MYT1L: variants seen among roughly 807,000 people sequenced by gnomAD.
MYT1L encodes the protein myelin transcription factor 1-like protein.
A neutral mutation model predicts 126.7 loss-of-function variants in MYT1L; 12 were observed. That is an observed-to-expected ratio of 0.09 (90% CI 0.06 to 0.15). The LOEUF (loss-of-function observed/expected upper bound fraction) is 0.15. Ranked by LOEUF, MYT1L falls within the 10% of genes least tolerant of loss-of-function variation. MYT1L has a pLI of 1.00. For synonymous variants in MYT1L, 541 were observed against 604.2 expected (o/e 0.90, Z 1.53); for missense variants, 979 against 1,585.2 (o/e 0.62, Z 6.49).
intron 3 of MYT1L, among the ~76,000 whole-genome samples, chr2:2,131,953 G>C (rs1311159373): frequency 7.2e-6 from 1 of 138,112 alleles, no homozygotes; most frequent in East Asian, 2.2e-4. Context: ...TCTGTTGCCA[G>C]GCTGAAGTGC....
At chr2:1,960,096 T>C (rs2058836038) in intron 8 of MYT1L, among the ~76,000 whole-genome samples, 1 of 152,220 alleles carries the variant, frequency 6.6e-6, no homozygotes, top group South Asian at 2.1e-4. Flanking sequence ...TCAGAGGATT[T>C]ATCTGTCTTC....
chr2:2,226,475 G>C (rs771560237), intron 2 of MYT1L, among the ~76,000 whole-genome samples: 1 of 151,762 alleles, frequency 6.6e-6, no homozygotes, highest in African/African-American at 2.4e-5. Flanking sequence ...CCTGGATCCC[G>C]TCCACCCTGG....
At chr2:1,869,253 GCA>G (rs2045975824) in intron 18 of MYT1L, among the ~76,000 whole-genome samples, 1 of 152,240 alleles carries the variant, frequency 6.6e-6, no homozygotes, top group Non-Finnish European at 1.5e-5. Flanking sequence ...CAGAGACAAA[GCA>G]CACAGTCCTG....
rs1257954892 is a variant in MYT1L at position 1,890,470 on chromosome 2, ATC to A, written c.2284-995_2284-994del. ...CCTTTACTACAGTGATTACCGTCTG[ATC>A]TCTAGATTTCAGCAAACCTGCAATT... On this transcript the variant is annotated intron_variant, in intron 15 of 24. Coordinates refer to ENST00000647738, the MANE Select transcript of MYT1L (RefSeq NM_001303052.2). Among the ~76,000 whole-genome samples the A allele has an allele frequency of 2.0e-5, 3 of 152,064 alleles. No individual in the cohort carries two copies. In the East Asian group the frequency reaches 5.8e-4, roughly 29 times the overall value.
chr2:2,036,727 C>T (rs77044992), intron 4 of MYT1L, among the ~76,000 whole-genome samples: 3,940 of 152,326 alleles, frequency 0.026, 162 homozygotes, highest in African/African-American at 0.086. Flanking sequence ...ACTAATGCAG[C>T]TGCTTTCTAA....
At chr2:2,165,743 T>C (rs1412788061) in intron 3 of MYT1L, among the ~76,000 whole-genome samples, 2 of 152,092 alleles carry the variant, frequency 1.3e-5, no homozygotes, top group African/African-American at 4.8e-5. Context: ...AAATACTTTT[T>C]AGAAATAATT....
At chr2:2,097,622 C>T (rs184775280) in intron 3 of MYT1L, among the ~76,000 whole-genome samples, 43 of 152,208 alleles carry the variant, frequency 2.8e-4, no homozygotes, top group Non-Finnish European at 5.3e-4. Flanking sequence ...GATGGAGATG[C>T]GTGGTGAAAA....
chr2:2,248,904 C>A (rs2094583878), intron 2 of MYT1L, among the ~76,000 whole-genome samples: 1 of 152,088 alleles, frequency 6.6e-6, no homozygotes, highest in African/African-American at 2.4e-5. Flanking sequence ...GACAGACTCA[C>A]AGCTAGTATC....
At chr2:1,975,290 A>G (rs1252721569) in intron 8 of MYT1L, among the ~76,000 whole-genome samples, 1 of 152,370 alleles carries the variant, frequency 6.6e-6, no homozygotes, top group East Asian at 1.9e-4. Flanking sequence ...TGAGACCCAC[A>G]GCAGATCCCG....
chr2:2,265,590 C>T (rs1033965999), intron 2 of MYT1L, among the ~76,000 whole-genome samples: 4 of 152,188 alleles, frequency 2.6e-5, no homozygotes, highest in Non-Finnish European at 5.9e-5. Flanking sequence ...GGGATGATGT[C>T]GGATGGTGCA....
chr2:1,798,020 C>T (rs1350695169), intron 23 of MYT1L, among the ~76,000 whole-genome samples: 4 of 58,792 alleles, frequency 6.8e-5, no homozygotes, highest in Non-Finnish European at 9.8e-5. Flanking sequence ...GGTCTCCCCC[C>T]ATCCGGCACA....
At chr2:2,182,216 C>T (rs1045375116) in intron 2 of MYT1L, among the ~76,000 whole-genome samples, 1 of 152,156 alleles carries the variant, frequency 6.6e-6, no homozygotes. Flanking sequence ...GGAGAGGTGA[C>T]CTCCTCTCTG....
rs371305156 is a variant in MYT1L at position 2,067,459 on chromosome 2, A to G, written c.-303-13336T>C. Among the ~76,000 whole-genome samples, 10 of 152,312 alleles carry G rather than the reference A, an allele frequency of 6.6e-5. No homozygotes were observed. The South Asian group carries it at 1.5e-3, about 22-fold the overall frequency. On this transcript the variant is annotated intron_variant, in intron 3 of 24. Coordinates refer to ENST00000647738, the MANE Select transcript of MYT1L (RefSeq NM_001303052.2). ...GTTAAATATCAAAAACTAAGCCTTAAGTCTAGGCACAGTGGCTCACGCCTG... is the reference window on the plus strand; with the variant it reads ...GTTAAATATCAAAAACTAAGCCTTAGGTCTAGGCACAGTGGCTCACGCCTG...
chr2:2,152,493 G>C (rs2085969860), intron 3 of MYT1L, among the ~76,000 whole-genome samples: 1 of 152,224 alleles, frequency 6.6e-6, no homozygotes, highest in South Asian at 2.1e-4. Context: ...CCCAAACTCA[G>C]TCTGAGGGAG....
At chr2:1,963,870 T>A (rs2059142395) in intron 8 of MYT1L, among the ~76,000 whole-genome samples, 1 of 152,216 alleles carries the variant, frequency 6.6e-6, no homozygotes, top group African/African-American at 2.4e-5. Flanking sequence ...TACTCAGCAA[T>A]AGGCTCTCTC....
chr2:2,252,490 G>A (rs931499610), intron 2 of MYT1L, among the ~76,000 whole-genome samples: 1 of 152,200 alleles, frequency 6.6e-6, no homozygotes, highest in Non-Finnish European at 1.5e-5. Flanking sequence ...GAGGGACTCA[G>A]GGATGGCTCC....
At chr2:2,300,137 C>T (rs1472726711) in intron 1 of MYT1L, among the ~76,000 whole-genome samples, 1 of 152,156 alleles carries the variant, frequency 6.6e-6, no homozygotes, top group Non-Finnish European at 1.5e-5. Flanking sequence ...CTTCTTTGTG[C>T]CTAATGATGA....
chr2:2,095,965 T>A (rs1445772987), intron 3 of MYT1L, among the ~76,000 whole-genome samples: 1 of 152,126 alleles, frequency 6.6e-6, no homozygotes, highest in Admixed American at 6.5e-5. Context: ...CTGGTGAACG[T>A]GGACACGCGT....
At chr2:2,213,576 C>T (rs1175418251) in intron 2 of MYT1L, among the ~76,000 whole-genome samples, 2 of 152,172 alleles carry the variant, frequency 1.3e-5, no homozygotes, top group African/African-American at 2.4e-5. Flanking sequence ...CAGCCAGGTG[C>T]TAAACCTTAT....
Sources: gnomAD v4.1 joint callset for allele counts (sites outside exome capture counted in the v4.1 genomes callset) on GRCh38, gnomAD v4.1.1 for gene constraint, MANE v1.5 for transcripts, NCBI Gene and HGNC (gene_info 2026-07-23, HGNC 2026-07-21) for gene names.